SH3BP5: variants seen among roughly 807,000 people sequenced by gnomAD.
SH3BP5 encodes the protein SH3 domain-binding protein 5.
A neutral mutation model predicts 43.3 loss-of-function variants in SH3BP5; 22 were observed. The observed-to-expected ratio is 0.51, with a 90% confidence interval of 0.36 to 0.73. The LOEUF (loss-of-function observed/expected upper bound fraction) is 0.73, where lower values mean the gene tolerates loss of function less well. Ranked by LOEUF, SH3BP5 falls within the 30% of genes least tolerant of loss-of-function variation. The pLI is 0.00. For synonymous variants in SH3BP5, 255 were observed against 225.8 expected (o/e 1.13, Z -1.16); for missense variants, 529 against 586.9 (o/e 0.90, Z 1.02).
intron 3 of SH3BP5, among the ~76,000 whole-genome samples, chr3:15,291,710 C>A (rs1190386923): frequency 6.6e-6 from 1 of 152,090 alleles, no homozygotes; most frequent in Middle Eastern, 3.2e-3. Flanking sequence ...CATGATGAAC[C>A]CTGAGTTGGG....
chr3:15,300,328 G>C (rs1236419720), intron 3 of SH3BP5, among the ~76,000 whole-genome samples: 1 of 152,132 alleles, frequency 6.6e-6, no homozygotes, highest in African/African-American at 2.4e-5. Flanking sequence ...AACCTCATGA[G>C]ATAGCCAGGG....
At chr3:15,318,033 C>T (rs185938292) in intron 2 of SH3BP5, among the ~76,000 whole-genome samples, 6 of 152,314 alleles carry the variant, frequency 3.9e-5, no homozygotes, top group African/African-American at 7.2e-5. Context: ...ATTCATTATA[C>T]ATCCTGGCTC....
intron 3 of SH3BP5, among the ~76,000 whole-genome samples, chr3:15,292,620 G>A (rs1697443049): frequency 6.6e-6 from 1 of 152,050 alleles, no homozygotes; most frequent in Non-Finnish European, 1.5e-5. Flanking sequence ...AGGCCAAGGT[G>A]GGTGGATCAC....
chr3:15,298,214 C>T (rs58432818), intron 3 of SH3BP5, among the ~76,000 whole-genome samples: 5,173 of 152,178 alleles, frequency 0.034, 147 homozygotes, highest in African/African-American at 0.076. Context: ...GCAGTCCTCC[C>T]GCCTTGGCCT....
intron 4 of SH3BP5, among the ~76,000 whole-genome samples, chr3:15,265,512 T>TCTCTCTCACACACACACACACA (rs1318765546): frequency 3.7e-5 from 4 of 107,936 alleles, no homozygotes; most frequent in African/African-American, 1.7e-4. Context: ...CGAGACTCCG[T>TCTCTCTCACACACACACACACA]CACACACACA....
intron 7 of SH3BP5, chr3:15,258,120 T>C (rs1559422819): frequency 6.6e-6 from 1 of 152,208 alleles, no homozygotes; most frequent in Non-Finnish European, 1.5e-5. Flanking sequence ...ACTTAAATAT[T>C]TGTTGAAGGA....
In SH3BP5 at chr3:15,269,887, A is replaced by G. The variant is rs368805066; in HGVS notation, c.331-10T>C. The G allele has an allele frequency of 6.6e-7, 1 of 1,519,796 alleles. No individual in the cohort carries two copies. Among genetic ancestry groups the G allele is most frequent in the African/African-American group, 1.4e-5 (1 of 71,486 alleles). The allele number at this position is 1,519,796 out of a possible 1,614,324, so 94.1% of individuals were successfully genotyped here. On this transcript the variant is annotated splice_polypyrimidine_tract_variant and intron_variant, in intron 3 of 8. Coordinates refer to ENST00000383791, the MANE Select transcript of SH3BP5 (RefSeq NM_004844.5). ...GAGCTTCCAGCTGAGCCTGTGTGAG[A>G]AAGAATCCTCATGAGGCCTCAGAAA... is the stretch of plus-strand genomic sequence containing the variant.
rs1047274221 is a variant in SH3BP5 at position 15,331,954 on chromosome 3, C to A, written c.138+317G>T. On this transcript the variant is annotated intron_variant, in intron 1 of 8. Coordinates refer to ENST00000383791, the MANE Select transcript of SH3BP5 (RefSeq NM_004844.5). ...CCGGGCAGGGGTACCCCCGAGGATA[C>A]CATGGCGCCCCCGCCCCCTTTTTCC... 5 of 294,316 alleles carry A rather than the reference C, an allele frequency of 1.7e-5. No homozygotes were observed. In the East Asian group the frequency reaches 2.3e-4, roughly 14 times the overall value. The allele number at this position is 294,316 out of a possible 1,614,324, so 18.2% of individuals were successfully genotyped here. A position where few individuals can be genotyped will look rare whatever the true frequency, so the allele number is the denominator to read the frequency against.
chr3:15,260,094 C>G (rs952312579), intron 5 of SH3BP5: 4 of 461,738 alleles, frequency 8.7e-6, no homozygotes, highest in South Asian at 2.2e-5. Flanking sequence ...GCTCATGTTC[C>G]TCCTCTGTGG....
At chr3:15,266,940 G>A (rs748973842) in intron 4 of SH3BP5, among the ~76,000 whole-genome samples, 44 of 152,352 alleles carry the variant, frequency 2.9e-4, no homozygotes, top group Non-Finnish European at 5.0e-4. Flanking sequence ...TGGAGGGATC[G>A]TGTAGTCCAA....
intron 3 of SH3BP5, among the ~76,000 whole-genome samples, chr3:15,299,741 C>T (rs898187790): frequency 3.3e-5 from 5 of 151,938 alleles, no homozygotes; most frequent in African/African-American, 1.2e-4. Flanking sequence ...GTAAACTCTT[C>T]AAAGAAAATC....
intron 2 of SH3BP5, among the ~76,000 whole-genome samples, chr3:15,305,900 G>GA (rs199988533): frequency 0.012 from 1,779 of 148,506 alleles, 38 homozygotes; most frequent in African/African-American, 0.041. Context: ...TATAAGGAGA[G>GA]AAAAAAAAAA....
chr3:15,304,534 C>T (rs891140392), intron 2 of SH3BP5, among the ~76,000 whole-genome samples: 1 of 152,014 alleles, frequency 6.6e-6, no homozygotes, highest in Admixed American at 6.5e-5. Context: ...TTTTAATCAT[C>T]TCGGGTGTGG....
At chr3:15,326,572 T>C (rs1017529253) in intron 2 of SH3BP5, among the ~76,000 whole-genome samples, 1 of 152,234 alleles carries the variant, frequency 6.6e-6, no homozygotes, top group Admixed American at 6.5e-5. Flanking sequence ...AATTCCATAC[T>C]TGTGAATTCG....
chr3:15,266,560 A>C (rs1190140743), intron 4 of SH3BP5, among the ~76,000 whole-genome samples: 1 of 152,198 alleles, frequency 6.6e-6, no homozygotes, highest in Non-Finnish European at 1.5e-5. Flanking sequence ...AGGCTACTTC[A>C]GTGCCAAAAC....
chr3:15,257,318 C>G, intron 7 of SH3BP5: 2 of 566,056 alleles, frequency 3.5e-6, no homozygotes, highest in South Asian at 2.4e-5. Flanking sequence ...CAGCAGGATC[C>G]CATGGATATT....
rs113885788 is a variant in SH3BP5, at chr3:15,296,770, C to T, written c.330+7333G>A. On this transcript the variant is annotated intron_variant, in intron 3 of 8. Coordinates refer to ENST00000383791, the MANE Select transcript of SH3BP5 (RefSeq NM_004844.5). The stretch of plus-strand genomic sequence containing the variant: ...GCGCAGTGGTGCGATCACAGCTCCA[C>T]GCAGCCTTGACTTCTCAGGCTCACG... 6.8e-3 allele frequency among the ~76,000 whole-genome samples: 986 copies of T among 144,702 alleles called. 17 individuals are homozygous for T. The highest frequency in any genetic ancestry group is 0.025 in the African/African-American group (943 of 37,648). The allele number at this position is 144,702 out of a possible 152,430, so 94.9% of individuals were successfully genotyped here. A position where few individuals can be genotyped will look rare whatever the true frequency, so the allele number is the denominator to read the frequency against.
intron 1 of SH3BP5, among the ~76,000 whole-genome samples, chr3:15,340,744 C>T (rs1281150899): frequency 1.3e-5 from 2 of 150,754 alleles, no homozygotes; most frequent in Non-Finnish European, 3.0e-5. Context: ...GGAGAGAAAC[C>T]CTGTCTCAAA....
chr3:15,259,617 T>G (rs185454426), intron 6 of SH3BP5, 144 bp downstream of exon 6: 2 of 830,652 alleles, frequency 2.4e-6, no homozygotes, highest in African/African-American at 3.4e-5. Context: ...CCGAGACAAT[T>G]TTGAGGTCTG....
Sources: gnomAD v4.1 joint callset for allele counts (sites outside exome capture counted in the v4.1 genomes callset) on GRCh38, gnomAD v4.1.1 for gene constraint, MANE v1.5 for transcripts, NCBI Gene and HGNC (gene_info 2026-07-23, HGNC 2026-07-21) for gene names.